KCNK2: variants seen among roughly 807,000 people sequenced by gnomAD.
KCNK2 encodes the protein potassium channel subfamily K member 2.
KCNK2 carries 21 observed loss-of-function variants against 40.5 expected under a neutral mutation model. The ratio of observed to expected loss-of-function variants is 0.52; its 90% CI spans 0.37 to 0.75. The LOEUF is 0.75. KCNK2 is among the 30% of genes least tolerant of loss of function. KCNK2 has a pLI of 0.00. For synonymous variants in KCNK2, 191 were observed against 202.2 expected, an observed-to-expected ratio of 0.94 and a Z score of 0.47; for missense variants, 399 against 531.6, an observed-to-expected ratio of 0.75 and a Z score of 2.45.
intron 6 of KCNK2, among the ~76,000 whole-genome samples, chr1:215,206,018 G>A (rs553719188): frequency 1.3e-5 from 2 of 152,116 alleles, no homozygotes; most frequent in South Asian, 4.2e-4. Flanking sequence ...TTAGTAAAAC[G>A]GAAGCATCAA....
At chr1:215,073,273 T>C (rs12074283) in intron 1 of KCNK2, among the ~76,000 whole-genome samples, 1,999 of 152,296 alleles carry the variant, frequency 0.013, 50 homozygotes, top group African/African-American at 0.045. Flanking sequence ...CACATGTTTC[T>C]GTTACTTCAG....
intron 6 of KCNK2, among the ~76,000 whole-genome samples, chr1:215,217,620 C>T (rs1358091872): frequency 6.6e-6 from 1 of 152,106 alleles, no homozygotes; most frequent in Non-Finnish European, 1.5e-5. Flanking sequence ...CCCAAGAAAC[C>T]TAAATAATTT....
At chr1:215,124,184 G>C (rs1661317547) in intron 2 of KCNK2, among the ~76,000 whole-genome samples, 1 of 152,124 alleles carries the variant, frequency 6.6e-6, no homozygotes. Context: ...AGCCAACCCA[G>C]ACTTGGATCA....
chr1:215,075,153 G>T (rs72735325), intron 1 of KCNK2, among the ~76,000 whole-genome samples: 3,688 of 152,154 alleles, frequency 0.024, 67 homozygotes, highest in Middle Eastern at 0.037. Context: ...ATCAGACTAA[G>T]AACTATTATT....
At position 215,083,194 on chromosome 1, in the gene KCNK2, TCCC is replaced by T; in HGVS notation, c.-185_-183del. 1 of 501,812 alleles carries T rather than the reference TCCC, an allele frequency of 2.0e-6. No individual in the cohort carries two copies. Among genetic ancestry groups the T allele is most frequent in the Non-Finnish European group, 3.3e-6 (1 of 301,554 alleles). The allele number at this position is 501,812 out of a possible 1,614,324, so 31.1% of individuals were successfully genotyped here. The stretch of plus-strand genomic sequence containing the variant: ...CCCGCGATTTCGTTTCTTCTCACGC[TCCC>T]CCCCCCGCCCCCTCCCGCGTCCAGC... On this transcript the variant is annotated 5_prime_UTR_variant, in exon 1 of 7. Coordinates refer to ENST00000444842, the MANE Select transcript of KCNK2 (RefSeq NM_001017425.3).
chr1:215,191,503 T>C (rs944704639), intron 5 of KCNK2, among the ~76,000 whole-genome samples: 2 of 152,072 alleles, frequency 1.3e-5, no homozygotes, highest in African/African-American at 4.8e-5. Context: ...TTTTTTGTAG[T>C]TTAATCTACT....
intron 2 of KCNK2, among the ~76,000 whole-genome samples, chr1:215,098,604 C>T (rs1206587748): frequency 6.6e-6 from 1 of 151,912 alleles, no homozygotes; most frequent in Non-Finnish European, 1.5e-5. Context: ...AGAACAGATA[C>T]CTAGCATTAC....
At chr1:215,209,252 A>G (rs1031277034) in intron 6 of KCNK2, among the ~76,000 whole-genome samples, 1 of 120,308 alleles carries the variant, frequency 8.3e-6, no homozygotes, top group Non-Finnish European at 1.6e-5. Context: ...ATATACACAT[A>G]TCTTATATAT....
intron 1 of KCNK2, among the ~76,000 whole-genome samples, chr1:215,024,074 G>A (rs1415866618): frequency 6.6e-6 from 1 of 152,168 alleles, no homozygotes; most frequent in Non-Finnish European, 1.5e-5. Flanking sequence ...TATGGATGGG[G>A]CATTTATTTT....
chr1:215,235,087 A>G lies in KCNK2; in HGVS notation c.1223A>G (p.Asn408Ser). 2 of 1,612,324 alleles carry G rather than the reference A, an allele frequency of 1.2e-6. No individual in the cohort carries two copies. The highest frequency in any genetic ancestry group is 8.5e-7 in the Non-Finnish European group (1 of 1,178,582). ...CTGAAGACTGAGAGTATCTATCTGA[A>G]TGGTTTGACGCCACACTGTGCTGGT... is the stretch of plus-strand genomic sequence containing the variant. ...PLLKTESIYLNGLTPHCAGEE... is the reference protein window; with the variant it reads ...PLLKTESIYLSGLTPHCAGEE... The change falls in exon 7 of 7, where the codon AAT becomes AGT. Residue 408 changes from asparagine to serine, a missense_variant. This residue lies in a region of KCNK2 where 103 missense variants were observed against 124.3 expected (regional missense o/e 0.83). Transcript: ENST00000444842.
At chr1:215,233,068 A>G (rs1159940524) in intron 6 of KCNK2, among the ~76,000 whole-genome samples, 1 of 152,178 alleles carries the variant, frequency 6.6e-6, no homozygotes, top group African/African-American at 2.4e-5. Flanking sequence ...AATCAGTTCT[A>G]TATCTAAGTA....
chr1:215,177,740 A>ATATATATATATATATTTT (rs71167812), intron 5 of KCNK2, among the ~76,000 whole-genome samples: 5 of 101,578 alleles, frequency 4.9e-5, no homozygotes, highest in African/African-American at 1.8e-4. Flanking sequence ...ATATATATAT[A>ATATATATATATATATTTT]TTTTTTTTTT....
intron 3 of KCNK2, among the ~76,000 whole-genome samples, chr1:215,133,643 A>T (rs1661768577): frequency 6.7e-6 from 1 of 148,906 alleles, no homozygotes; most frequent in Non-Finnish European, 1.5e-5. Context: ...TTAATTTTAG[A>T]CTTGTGCAAT....
intron 1 of KCNK2, among the ~76,000 whole-genome samples, chr1:215,037,208 G>T (rs60354575): frequency 3.7e-4 from 56 of 151,904 alleles, no homozygotes; most frequent in African/African-American, 1.3e-3. Flanking sequence ...ATCTGGTTTA[G>T]AAAATTGCTG....
intron 6 of KCNK2, among the ~76,000 whole-genome samples, chr1:215,201,761 T>C (rs1665089353): frequency 6.6e-6 from 1 of 152,210 alleles, no homozygotes; most frequent in Non-Finnish European, 1.5e-5. Context: ...TGCTTGCTTT[T>C]ACTTTTCTTC....
chr1:215,024,945 GT>G (rs376087335), intron 1 of KCNK2, among the ~76,000 whole-genome samples: 2,836 of 82,528 alleles, frequency 0.034, 37 homozygotes, highest in Middle Eastern at 0.07. Flanking sequence ...ATCTACAGGA[GT>G]TTTTTTTTTT....
At chr1:215,063,439 T>A (rs1263071003) in intron 1 of KCNK2, among the ~76,000 whole-genome samples, 1 of 152,170 alleles carries the variant, frequency 6.6e-6, no homozygotes, top group Non-Finnish European at 1.5e-5. Context: ...AACAGGTCCA[T>A]CTTGCTCACC....
rs373072462 is a variant in KCNK2, at chr1:215,046,039, G to T, written c.34+40084G>T. 7.5e-4 allele frequency among the ~76,000 whole-genome samples: 114 copies of T among 152,254 alleles called. 3 individuals carry two copies. In the South Asian group the frequency reaches 0.023, roughly 30 times the overall value. ...ACACACGTTAATTGTTCATGTAACC[G>T]TGGAAAAATCTGGTATAACAAGAAT... On this transcript the variant is annotated intron_variant, in intron 1 of 6. Transcript: ENST00000391895.
intron 3 of KCNK2, among the ~76,000 whole-genome samples, chr1:215,160,143 G>A (rs1663129080): frequency 6.6e-6 from 1 of 152,180 alleles, no homozygotes; most frequent in Admixed American, 6.5e-5. Flanking sequence ...TAGACTGTAA[G>A]TTAAATGATA....
Sources: allele counts gnomAD v4.1 joint callset (sites outside exome capture counted in the v4.1 genomes callset), GRCh38; gene constraint gnomAD v4.1.1; regional missense constraint gnomAD v4.1.1; transcripts MANE v1.5; gene names NCBI Gene and HGNC (gene_info 2026-07-23, HGNC 2026-07-21).